MERTK: variants seen among roughly 807,000 people sequenced by gnomAD.
MERTK encodes tyrosine-protein kinase Mer.
MERTK carries 69 observed loss-of-function variants against 99.3 expected under a neutral mutation model. That is an observed-to-expected ratio of 0.70 (90% confidence interval 0.57 to 0.85). The LOEUF (loss-of-function observed/expected upper bound fraction) is 0.85, where lower values mean the gene tolerates loss of function less well. MERTK is among the 40% of genes least tolerant of loss of function. MERTK has a pLI of 0.00. For synonymous variants in MERTK, 426 were observed against 467.6 expected (o/e 0.91, Z 1.15); for missense variants, 1,125 against 1,249.4 (o/e 0.90, Z 1.50).
Position 111,973,789 on chromosome 2 carries a change from C to T in MERTK, c.961-1500C>T, listed in dbSNP as rs563468646. 4.6e-5 allele frequency among the ~76,000 whole-genome samples: 7 copies of T among 152,094 alleles called. No individual in the cohort carries two copies. In the East Asian group the frequency reaches 9.7e-4, roughly 21 times the overall value. Reference sequence around the variant, plus strand: ...TCCCCATACCCAGACAGGAGGTATGCGAGGAAAGAGATGGAAGTTTCGCCC... The same window carrying T: ...TCCCCATACCCAGACAGGAGGTATGTGAGGAAAGAGATGGAAGTTTCGCCC... On this transcript the variant is annotated intron_variant, in intron 6 of 18. Transcript: ENST00000295408.
At position 112,009,992 on chromosome 2, in the gene MERTK, G is replaced by A; in HGVS notation, c.2005G>A (p.Val669Ile). The A allele has an allele frequency of 6.2e-7, 1 of 1,613,988 alleles. No individual in the cohort carries two copies. The highest frequency in any genetic ancestry group is 1.3e-5 in the African/African-American group (1 of 75,022). ...CTCTCAAGGCATCCCAAAGCCCATG[G>A]TAATTTTACCCTTCATGAAATACGG... is the stretch of plus-strand genomic sequence containing the variant. ...MSSQGIPKPMVILPFMKYGDL... is the reference protein window; with the variant it reads ...MSSQGIPKPMIILPFMKYGDL... Residue 669 changes from valine (V) to isoleucine (I), a missense_variant, in exon 15 of 19, where the codon GTA becomes ATA. Val to Ile is a conservative substitution (Grantham distance 29, BLOSUM62 3). Coordinates refer to ENST00000295408, the MANE Select transcript of MERTK (RefSeq NM_006343.3).
chr2:111,909,184 A>G (rs913284001), intron 1 of MERTK, among the ~76,000 whole-genome samples: 1 of 152,122 alleles, frequency 6.6e-6, no homozygotes, highest in Non-Finnish European at 1.5e-5. Context: ...GATTTAAACT[A>G]TCACAGCCAC....
chr2:111,995,971 G>T lies in MERTK; in HGVS notation c.1451-1352G>T, dbSNP rs553371423. Among the ~76,000 whole-genome samples, 13 of 150,662 alleles carry T rather than the reference G, an allele frequency of 8.6e-5. 1 individual carries two copies. The South Asian group carries it at 2.7e-3, about 31-fold the overall frequency. On this transcript the variant is annotated intron_variant, in intron 9 of 18. Coordinates refer to ENST00000295408, the MANE Select transcript of MERTK (RefSeq NM_006343.3). ...TCCAAAACAAAACAAAACAAAACAA[G>T]AACAAAGACAATGAGATTCTGATTC...
chr2:111,909,480 G>A (rs1249015549), intron 1 of MERTK, among the ~76,000 whole-genome samples: 1 of 152,038 alleles, frequency 6.6e-6, no homozygotes, highest in African/African-American at 2.4e-5. Flanking sequence ...GGGTCTGAAG[G>A]AACTCCTCAA....
intron 10 of MERTK, among the ~76,000 whole-genome samples, chr2:112,000,207 CAG>C (rs1449286184): frequency 1.3e-5 from 2 of 152,174 alleles, no homozygotes; most frequent in African/African-American, 2.4e-5. Context: ...GTGCAGGTCA[CAG>C]GGGATATGAT....
chr2:111,966,043 G>A (rs1182673700), intron 5 of MERTK, among the ~76,000 whole-genome samples: 1 of 152,132 alleles, frequency 6.6e-6, no homozygotes, highest in Non-Finnish European at 1.5e-5. Flanking sequence ...CCTACAATTA[G>A]GTAGTATCTT....
chr2:111,933,072 C>T (rs559329142), intron 2 of MERTK, among the ~76,000 whole-genome samples: 2 of 152,278 alleles, frequency 1.3e-5, no homozygotes, highest in South Asian at 2.1e-4. Flanking sequence ...TGGCGATACT[C>T]CTGCTCTGTC....
chr2:111,958,981 T>TTTTTTTTTTTTTTTTG (rs1364523380), intron 4 of MERTK, among the ~76,000 whole-genome samples: 1 of 151,906 alleles, frequency 6.6e-6, no homozygotes, highest in Non-Finnish European at 1.5e-5. Context: ...TGACTAATTT[T>TTTTTTTTTTTTTTTTG]AAACTGCCAA....
At chr2:111,940,109 CT>C (rs34805317) in intron 2 of MERTK, among the ~76,000 whole-genome samples, 73,310 of 150,338 alleles carry the variant, frequency 0.49, 18,287 homozygotes, top group South Asian at 0.56. Context: ...GGCTTCTACT[CT>C]TTTTTTTTTC....
Position 111,907,347 on chromosome 2 carries a change from G to A in MERTK, c.61+8551G>A, listed in dbSNP as rs146634498. On this transcript the variant is annotated intron_variant, in intron 1 of 18. Coordinates refer to ENST00000295408, the MANE Select transcript of MERTK (RefSeq NM_006343.3). ...AAGAATCACTTGAACCCAGGAGGCG[G>A]AGGTTGCAGTGAGCCGAGATTGTGC... 3.9e-3 allele frequency among the ~76,000 whole-genome samples: 587 copies of A among 152,318 alleles called. 4 individuals carry two copies. Among genetic ancestry groups the A allele is most frequent in the African/African-American group, 0.012 (496 of 41,572 alleles).
At chr2:112,021,123 C>T (rs998685373) in intron 16 of MERTK, among the ~76,000 whole-genome samples, 8 of 152,088 alleles carry the variant, frequency 5.3e-5, no homozygotes, top group African/African-American at 1.9e-4. Context: ...TTGCTTGAAC[C>T]CGGGAAGCAG....
At chr2:112,003,298 A>T in intron 12 of MERTK, 111 bp downstream of exon 12, 1 of 633,548 alleles carries the variant, frequency 1.6e-6, no homozygotes, top group Non-Finnish European at 2.9e-6. Context: ...ACTCTGAGTT[A>T]TACTATGGAT....
At chr2:111,898,872 C>T in intron 1 of MERTK, 76 bp downstream of exon 1, 1 of 1,445,148 alleles carries the variant, frequency 6.9e-7, no homozygotes, top group Non-Finnish European at 9.3e-7. Flanking sequence ...GGGGAGGGAG[C>T]GCGTCCACAG....
chr2:112,011,602 T>C (rs750563117), intron 15 of MERTK, among the ~76,000 whole-genome samples: 24 of 151,992 alleles, frequency 1.6e-4, no homozygotes, highest in South Asian at 6.2e-4. Flanking sequence ...AATACAAAAA[T>C]TAGCCAGGTG....
chr2:111,979,545 G>A (rs1257046535), intron 7 of MERTK, among the ~76,000 whole-genome samples: 2 of 151,090 alleles, frequency 1.3e-5, no homozygotes, highest in Non-Finnish European at 3.0e-5. Flanking sequence ...TTTTTCCTTT[G>A]GAAATGTTCC....
chr2:111,969,084 T>A (rs952544570), intron 6 of MERTK, among the ~76,000 whole-genome samples: 3 of 152,236 alleles, frequency 2.0e-5, no homozygotes, highest in African/African-American at 7.2e-5. Context: ...GAAACGGTGC[T>A]ATTAGCCATC....
At chr2:111,925,318 T>TTTTTTTG (rs1684541643) in intron 1 of MERTK, among the ~76,000 whole-genome samples, 1 of 102,412 alleles carries the variant, frequency 9.8e-6, no homozygotes, top group Non-Finnish European at 2.1e-5. Flanking sequence ...TTTTTTTTTT[T>TTTTTTTG]GAGATGGATT....
chr2:111,947,312 C>G, intron 3 of MERTK, 82 bp from the exon 4 acceptor site: 1 of 869,252 alleles, frequency 1.2e-6, no homozygotes, highest in Non-Finnish European at 1.8e-6. Flanking sequence ...TTGCCAAGTT[C>G]TAGTCCAGTT....
chr2:111,941,337 T>G (rs922315748), intron 2 of MERTK, among the ~76,000 whole-genome samples: 3 of 152,204 alleles, frequency 2.0e-5, no homozygotes, highest in African/African-American at 7.2e-5. Flanking sequence ...CACCTCATCT[T>G]AGAGTTGTAA....
Sources: allele counts gnomAD v4.1 joint callset (sites outside exome capture counted in the v4.1 genomes callset), GRCh38; gene constraint gnomAD v4.1.1; transcripts MANE v1.5; gene names NCBI Gene and HGNC (gene_info 2026-07-23, HGNC 2026-07-21).